THTPA: variants seen among roughly 807,000 people sequenced by gnomAD.
The protein encoded by THTPA is thiamine-triphosphatase.
THTPA carries 16 observed loss-of-function variants against 16.5 expected under a neutral mutation model. The ratio of observed to expected loss-of-function variants is 0.97; its 90% confidence interval spans 0.66 to 1.47. The LOEUF is 1.47. Ranked by LOEUF, THTPA falls within the 40% of genes most tolerant of loss-of-function variation. THTPA has a pLI of 0.00. For missense variants in THTPA, 281 were observed against 280.9 expected (o/e 1.00, Z 0.00); for synonymous variants, 110 against 115.5 (o/e 0.95, Z 0.30).
chr14:23,535,618 G>A, the THTPA span, among the ~76,000 whole-genome samples: 1 of 151,664 alleles, frequency 6.6e-6, no homozygotes, highest in African/African-American at 2.4e-5. The surrounding 1 kb of genome is among the most constrained non-coding windows in gnomAD (Gnocchi z 4.5). Flanking sequence ...TTGAGATGGA[G>A]TTTTGCTCTT....
the THTPA span, chr14:23,531,143 C>G: frequency 4.9e-6 from 1 of 203,264 alleles, no homozygotes; most frequent in Non-Finnish European, 9.8e-6. Context: ...AACAGGTTCT[C>G]TCTCCTTCCT....
chr14:23,522,694 G>T, the THTPA span: 1 of 1,536,632 alleles, frequency 6.5e-7, no homozygotes, highest in Non-Finnish European at 8.7e-7. Flanking sequence ...ATGCTTTGAG[G>T]TTCTTGAGGG....
At chr14:23,512,547 C>T in the THTPA span, among the ~76,000 whole-genome samples, 2 of 150,532 alleles carry the variant, frequency 1.3e-5, no homozygotes, top group African/African-American at 4.9e-5. Context: ...CCACCCCACC[C>T]CAGCCACCCC....
At chr14:23,541,617 A>G in the THTPA span, among the ~76,000 whole-genome samples, 1 of 152,254 alleles carries the variant, frequency 6.6e-6, no homozygotes, top group East Asian at 1.9e-4. Flanking sequence ...TCAGCCATAG[A>G]GTTCACTTCT....
chr14:23,523,053 C>A, the THTPA span: 9 of 1,406,336 alleles, frequency 6.4e-6, no homozygotes, highest in South Asian at 1.3e-4. The surrounding 1 kb of genome is among the most constrained non-coding windows in gnomAD (Gnocchi z 4.1). Flanking sequence ...GATTTCCATG[C>A]CCCTTCCCTC....
the THTPA span, chr14:23,531,670 G>A: frequency 6.8e-7 from 1 of 1,469,222 alleles, no homozygotes; most frequent in Non-Finnish European, 9.0e-7. Context: ...AACAGGCAGT[G>A]GTATAGCCCC....
the THTPA span, chr14:23,534,603 C>G: frequency 1.3e-6 from 2 of 1,536,162 alleles, no homozygotes; most frequent in South Asian, 1.2e-5. This position sits in a 1 kb window ranked among gnomAD's most constrained non-coding sequence, Gnocchi z 4.5. Context: ...CCAGGCGGCA[C>G]AGAAGGCAGA....
the THTPA span, chr14:23,535,163 C>T: frequency 1.3e-6 from 2 of 1,535,566 alleles, no homozygotes; most frequent in Non-Finnish European, 1.7e-6. This position sits in a 1 kb window ranked among gnomAD's most constrained non-coding sequence, Gnocchi z 4.5. Flanking sequence ...CCCCCTGGCT[C>T]TGAGGACCTC....
the THTPA span, chr14:23,548,526 C>A: frequency 2.0e-5 from 3 of 152,206 alleles, no homozygotes; most frequent in East Asian, 5.8e-4. Flanking sequence ...CAAGGCAATA[C>A]CAGCAATTTA....
chr14:23,522,764 C>T, the THTPA span: 6 of 1,536,418 alleles, frequency 3.9e-6, no homozygotes, highest in Non-Finnish European at 5.2e-6. Flanking sequence ...GACCTTGTCC[C>T]CCAAGGGCTC....
the THTPA span, chr14:23,524,103 A>G: frequency 6.5e-7 from 1 of 1,534,244 alleles, no homozygotes; most frequent in African/African-American, 1.4e-5. This position sits in a 1 kb window ranked among gnomAD's most constrained non-coding sequence, Gnocchi z 5.6. Context: ...ACCTTGCCTA[A>G]TAAGAGGTTG....
intron 1 of THTPA, among the ~76,000 whole-genome samples, 171 bp from the exon 2 acceptor site, chr14:23,558,524 C>T (rs1476961159): frequency 1.3e-5 from 2 of 152,154 alleles, no homozygotes; most frequent in Non-Finnish European, 2.9e-5. Context: ...GTCCCACTTC[C>T]ACAGGCAGGC....
chr14:23,550,125 A>G, the THTPA span, among the ~76,000 whole-genome samples: 2,416 of 152,360 alleles, frequency 0.016, 35 homozygotes, highest in Non-Finnish European at 0.024. Flanking sequence ...GATGACACGC[A>G]TGAGACCAGA....
chr14:23,525,980 G>T, the THTPA span: 14 of 1,517,522 alleles, frequency 9.2e-6, no homozygotes, highest in South Asian at 1.8e-4. The surrounding 1 kb of genome is among the most constrained non-coding windows in gnomAD (Gnocchi z 5.9). Context: ...GGACAGGAAA[G>T]GCAATCCAGA....
the THTPA span, among the ~76,000 whole-genome samples, chr14:23,517,080 T>G: frequency 2.1e-3 from 326 of 152,304 alleles, 1 homozygote; most frequent in South Asian, 8.7e-3. Flanking sequence ...CTGGCCAGAC[T>G]TCTTTCCATG....
chr14:23,512,596 C>T, the THTPA span, among the ~76,000 whole-genome samples: 2 of 128,228 alleles, frequency 1.6e-5, no homozygotes, highest in African/African-American at 5.9e-5. Flanking sequence ...CAGCTGAGAA[C>T]GGGGTCCCCT....
the THTPA span, among the ~76,000 whole-genome samples, chr14:23,544,493 C>T: frequency 9.8e-5 from 15 of 152,298 alleles, no homozygotes; most frequent in South Asian, 2.9e-3. Context: ...TGTCCCAGTA[C>T]TTCTTTGGGG....
At chr14:23,523,356 C>G in the THTPA span, 2 of 1,471,742 alleles carry the variant, frequency 1.4e-6, no homozygotes, top group Non-Finnish European at 9.0e-7. This position sits in a 1 kb window ranked among gnomAD's most constrained non-coding sequence, Gnocchi z 4.1. Flanking sequence ...GGGGGAGCCT[C>G]AGGTGCTGGG....
chr14:23,523,114 C>T, the THTPA span: 1 of 1,400,934 alleles, frequency 7.1e-7, no homozygotes, highest in South Asian at 1.7e-5. This position sits in a 1 kb window ranked among gnomAD's most constrained non-coding sequence, Gnocchi z 4.1. Context: ...GGAGATTGGG[C>T]ATGGGAAGAA....
Sources: gnomAD v4.1 joint callset for allele counts (sites outside exome capture counted in the v4.1 genomes callset) on GRCh38, gnomAD v4.1.1 for gene constraint, Gnocchi (gnomAD v3.1) non-coding constraint, MANE v1.5 for transcripts, NCBI Gene and HGNC (gene_info 2026-07-23, HGNC 2026-07-21) for gene names.